The following ITPA variants were observed in gnomAD, a reference collection of about 807,000 sequenced individuals.
ITPA encodes inosine triphosphate pyrophosphatase.
In ITPA, 29 loss-of-function variants were observed where a neutral mutation model predicts 29.6. The observed-to-expected ratio is 0.98, with a 90% CI of 0.73 to 1.34. The LOEUF (loss-of-function observed/expected upper bound fraction) is 1.34. ITPA is among the 40% of genes most tolerant of loss of function. The pLI, the probability that ITPA is intolerant of heterozygous loss-of-function variation, is 0.00. For synonymous variants in ITPA, 103 were observed against 99.3 expected, an observed-to-expected ratio of 1.04 and a Z score of -0.22; for missense variants, 241 against 251.5, an observed-to-expected ratio of 0.96 and a Z score of 0.28.
rs8122216 is a variant in ITPA, at chr20:3,216,984, G to A, written c.296-1533G>A. Among the ~76,000 whole-genome samples, 490 of 152,104 alleles carry A rather than the reference G, an allele frequency of 3.2e-3. 1 individual carries two copies. The highest frequency in any genetic ancestry group is 0.011 in the African/African-American group (464 of 41,480). Reference sequence around the variant, plus strand: ...CAACCTCTGCCTCCTGAGTTCAAGTGATTCTCCTGCCTCAGCCTCCCAAGT... The same window carrying A: ...CAACCTCTGCCTCCTGAGTTCAAGTAATTCTCCTGCCTCAGCCTCCCAAGT... On this transcript the variant is annotated intron_variant, in intron 5 of 7. Transcript: ENST00000380113.
At chr20:3,222,133 T>G (rs1411228011) in intron 7 of ITPA, among the ~76,000 whole-genome samples, 1 of 151,796 alleles carries the variant, frequency 6.6e-6, no homozygotes, top group Non-Finnish European at 1.5e-5. Context: ...CTGAGAGTCC[T>G]GGGCTCTAAG....
At chr20:3,211,199 T>C (rs1322083489) in intron 1 of ITPA, among the ~76,000 whole-genome samples, 4 of 147,740 alleles carry the variant, frequency 2.7e-5, no homozygotes, top group African/African-American at 1.0e-4. Context: ...AGAGTCTCAC[T>C]CTGTCGCCCA....
rs2122274205 is a variant in ITPA, at chr20:3,209,599, C to T, written c.48C>T (p.Asn16=). 3.1e-6 allele frequency: 5 copies of T among 1,614,016 alleles called. No individual in the cohort carries two copies. The highest frequency in any genetic ancestry group is 4.2e-6 in the Non-Finnish European group (5 of 1,179,970). The stretch of plus-strand genomic sequence containing the variant: ...AGAAGATCGTGTTTGTAACGGGGAA[C>T]GCCAAGAAGCTGGAGGAGGTGCCGG... The part of the protein sequence containing the change: ...VGKKIVFVTG[N]AKKLEEVVQI... Residue 16 remains asparagine (N), a synonymous_variant, in exon 1 of 8, where the codon AAC becomes AAT. Coordinates refer to ENST00000380113, the MANE Select transcript of ITPA (RefSeq NM_033453.4). This position sits in a 1 kb window ranked among gnomAD's most constrained non-coding sequence, Gnocchi z 4.6.
At position 3,218,604 on chromosome 20, in the gene ITPA, C is replaced by T. The variant is rs780479868; in HGVS notation, c.383C>T (p.Pro128Leu). Residue 128 changes from proline to leucine, a missense_variant, in exon 6 of 8, where the codon CCC becomes CTC. By Grantham distance (98) the Pro-to-Leu change is moderately conservative. Coordinates refer to ENST00000380113, the MANE Select transcript of ITPA (RefSeq NM_033453.4). Reference protein sequence around the residue: ...FALSTGDPSQPVRLFRGRTSG... With the variant: ...FALSTGDPSQLVRLFRGRTSG... ...CTCAGCACCGGGGACCCAAGCCAGCCCGTGCGCCTGTTCAGGGGCCGGACC... is the reference window on the plus strand; with the variant it reads ...CTCAGCACCGGGGACCCAAGCCAGCTCGTGCGCCTGTTCAGGGGCCGGACC... 49 of 1,613,660 alleles carry T rather than the reference C, an allele frequency of 3.0e-5. No homozygotes were observed. Among genetic ancestry groups the T allele is most frequent in the Middle Eastern group, 1.6e-4 (1 of 6,084 alleles).
chr20:3,209,814 G>A lies in ITPA; in HGVS notation c.66+197G>A, dbSNP rs1477534436. Among the ~76,000 whole-genome samples the A allele has an allele frequency of 6.6e-6, 1 of 152,228 alleles. No homozygotes were observed. The highest frequency in any genetic ancestry group is 1.5e-5 in the Non-Finnish European group (1 of 68,034). ...TGGCTGCAGAATCGGGGCGCCCCGG[G>A]GTTGGCGAGGGAACGAGGGTCTCGA... On this transcript the variant is annotated intron_variant, in intron 1 of 7. Coordinates refer to ENST00000380113, the MANE Select transcript of ITPA (RefSeq NM_033453.4). The surrounding 1 kb of genome is among the most constrained non-coding windows in gnomAD (Gnocchi z 4.6).
chr20:3,221,928 C>T lies in ITPA; in HGVS notation c.488+11C>T. On this transcript the variant is annotated intron_variant, in intron 7 of 7. Transcript: ENST00000380113. ...TGGATATGAGCAGACGTAAGGAGCC[C>T]TGCTTTTCTTCCCTGGGGTGTGGGG... is the stretch of plus-strand genomic sequence containing the variant. 6.2e-7 allele frequency: 1 copy of T among 1,612,944 alleles called. No individual in the cohort carries two copies. Among genetic ancestry groups the T allele is most frequent in the South Asian group, 1.1e-5 (1 of 91,074 alleles).
intron 6 of ITPA, among the ~76,000 whole-genome samples, chr20:3,220,060 AAAC>A (rs549693388): frequency 0.02 from 2,873 of 147,084 alleles, 140 homozygotes; most frequent in African/African-American, 0.07. Context: ...AAAAAAAAAA[AAAC>A]AAACCTTAAT....
intron 7 of ITPA, among the ~76,000 whole-genome samples, chr20:3,222,165 G>A (rs1156966825): frequency 2.0e-5 from 3 of 152,158 alleles, no homozygotes. Context: ...CCCCACATCA[G>A]CTGTGTAGCC....
upstream of ITPA, among the ~76,000 whole-genome samples, chr20:3,204,298 T>C (rs1017312156): frequency 6.7e-6 from 1 of 148,774 alleles, no homozygotes; most frequent in Admixed American, 6.7e-5. Flanking sequence ...TTCCCGGGGG[T>C]GAAGAGAGGG....
downstream of ITPA, among the ~76,000 whole-genome samples, chr20:3,227,254 T>A (rs1463062050): frequency 6.6e-6 from 1 of 152,212 alleles, no homozygotes. Flanking sequence ...TCCTGGATCT[T>A]CCATGTTTCA....
In ITPA at chr20:3,218,605, C is replaced by G. The variant is rs968927577; in HGVS notation, c.384C>G (p.Pro128=). Residue 128 remains proline (P), a synonymous_variant, in exon 6 of 8, where the codon CCC becomes CCG. Coordinates refer to ENST00000380113, the MANE Select transcript of ITPA (RefSeq NM_033453.4). ...FALSTGDPSQ[P]VRLFRGRTSG... ...TCAGCACCGGGGACCCAAGCCAGCC[C>G]GTGCGCCTGTTCAGGGGCCGGACCT... 1 of 1,613,596 alleles carries G rather than the reference C, an allele frequency of 6.2e-7. No individual in the cohort carries two copies. Among genetic ancestry groups the G allele is most frequent in the Admixed American group, 1.7e-5 (1 of 60,002 alleles).
chr20:3,220,502 T>C (rs1312266747), intron 6 of ITPA, among the ~76,000 whole-genome samples: 2 of 152,130 alleles, frequency 1.3e-5, no homozygotes. Flanking sequence ...TTGGCATCTA[T>C]GTGACTAATC....
upstream of ITPA, chr20:3,204,417 CGCGCATGCGTCCCGCCCGCCCAGGT>C (rs1477922147): frequency 2.0e-6 from 2 of 1,000,658 alleles, no homozygotes; most frequent in African/African-American, 3.2e-5. Flanking sequence ...AGCGCACGGA[CGCGCATGCGTCCCGCCCGCCCAGGT>C]GCGCACGCGC....
chr20:3,215,408 G>C (rs2067271148), intron 5 of ITPA, 96 bp downstream of exon 5: 2 of 1,130,024 alleles, frequency 1.8e-6, no homozygotes, highest in African/African-American at 1.5e-5. Context: ...GGAGTCCCAG[G>C]TTCTAGCCCC....
At chr20:3,205,384 A>G (rs1017232339), upstream of ITPA, among the ~76,000 whole-genome samples, 1 of 152,048 alleles carries the variant, frequency 6.6e-6, no homozygotes, top group African/African-American at 2.4e-5. Flanking sequence ...GGAATTTATT[A>G]AGCTTTTTGT....
upstream of ITPA, chr20:3,204,573 G>C (rs1180034109): frequency 2.5e-6 from 4 of 1,579,918 alleles, no homozygotes; most frequent in Non-Finnish European, 3.4e-6. Flanking sequence ...GTCAGGAAGA[G>C]GATAAAGCCG....
chr20:3,223,109 C>A (rs937940778), intron 7 of ITPA, among the ~76,000 whole-genome samples: 8 of 152,216 alleles, frequency 5.3e-5, no homozygotes, highest in Non-Finnish European at 1.2e-4. Context: ...CCCCAGCTTC[C>A]CTTAATGACT....
chr20:3,226,798 C>T (rs1346327964), downstream of ITPA, among the ~76,000 whole-genome samples: 4 of 152,174 alleles, frequency 2.6e-5, no homozygotes, highest in African/African-American at 4.8e-5. The surrounding 1 kb of genome is among the most constrained non-coding windows in gnomAD (Gnocchi z 4.4). Flanking sequence ...ATGCTGCGCA[C>T]CCGGCACTCC....
chr20:3,207,995 CAA>C (rs71195826), upstream of ITPA, among the ~76,000 whole-genome samples: 22,662 of 116,192 alleles, frequency 0.2, 1,777 homozygotes, highest in South Asian at 0.39. Flanking sequence ...GACTCCGTCT[CAA>C]AAAAAAAAAA....
Sources: allele counts gnomAD v4.1 joint callset (sites outside exome capture counted in the v4.1 genomes callset), GRCh38; gene constraint gnomAD v4.1.1; non-coding constraint Gnocchi (gnomAD v3.1); transcripts MANE v1.5; gene names NCBI Gene and HGNC (gene_info 2026-07-23, HGNC 2026-07-21).